The following PLCE1 variants were observed in gnomAD, a reference collection of about 807,000 sequenced individuals.
The protein encoded by PLCE1 is phospholipase C epsilon 1.
A neutral mutation model predicts 242.8 loss-of-function variants in PLCE1; 119 were observed. The observed-to-expected ratio is 0.49, with a 90% CI of 0.42 to 0.57. PLCE1 has a LOEUF of 0.57. Ranked by LOEUF, PLCE1 falls within the 20% of genes least tolerant of loss-of-function variation. The pLI, the probability that PLCE1 is intolerant of heterozygous loss-of-function variation, is 0.00. For synonymous variants in PLCE1, 945 were observed against 1,017.4 expected (o/e 0.93, Z 1.35); for missense variants, 2,441 against 2,788.8 (o/e 0.88, Z 2.81).
intron 2 of PLCE1, chr10:94,104,740 C>T (rs1188403097): frequency 6.6e-6 from 1 of 152,196 alleles, no homozygotes. Context: ...CAGTTCACCT[C>T]TTGTGCATTT....
chr10:93,994,551 G>A (rs879833961), intron 1 of PLCE1, among the ~76,000 whole-genome samples: 6 of 152,246 alleles, frequency 3.9e-5, no homozygotes, highest in Admixed American at 3.9e-4. Context: ...AAAGAAAAAC[G>A]TAAGCTCTTT....
chr10:94,286,043 G>T (rs960278479), intron 22 of PLCE1, among the ~76,000 whole-genome samples: 5 of 152,122 alleles, frequency 3.3e-5, no homozygotes, highest in African/African-American at 9.7e-5. Flanking sequence ...GGGGCACCAG[G>T]GGGTAGAAGA....
intron 4 of PLCE1, among the ~76,000 whole-genome samples, chr10:94,190,396 G>A (rs1297016939): frequency 6.6e-6 from 1 of 152,058 alleles, no homozygotes; most frequent in African/African-American, 2.4e-5. Flanking sequence ...ATTGCTTCAG[G>A]CTAGCAGTTT....
chr10:94,071,495 G>GTTTTTTTTTTTTTTTGTTGT (rs2044353719), intron 2 of PLCE1, among the ~76,000 whole-genome samples: 2 of 83,316 alleles, frequency 2.4e-5, no homozygotes, highest in Non-Finnish European at 4.2e-5. Flanking sequence ...TTTGGTTTTC[G>GTTTTTTTTTTTTTTTGTTGT]TTTTTTTTTT....
chr10:94,053,331 G>T (rs543348321), intron 2 of PLCE1, among the ~76,000 whole-genome samples: 43 of 152,312 alleles, frequency 2.8e-4, no homozygotes, highest in African/African-American at 8.9e-4. Flanking sequence ...TTTAGCTGCT[G>T]CTATTGTCAT....
intron 2 of PLCE1, among the ~76,000 whole-genome samples, chr10:94,102,570 G>A (rs918076282): frequency 6.6e-6 from 1 of 152,196 alleles, no homozygotes; most frequent in African/African-American, 2.4e-5. Context: ...CCATTGCTAG[G>A]CAACTCATGT....
rs2053207415 is a variant in PLCE1, at chr10:94,306,397, C to T, written c.5623-30C>T. ...TGTCTTTCTTTTTTATCCTCGGTGA[C>T]TTTGATCCCTTTTGTCTCCCTCACC... On this transcript the variant is annotated intron_variant, in intron 25 of 32. Transcript: ENST00000371380. The surrounding 1 kb of genome is among the most constrained non-coding windows in gnomAD (Gnocchi z 5.7). 6.2e-7 allele frequency: 1 copy of T among 1,613,948 alleles called. No individual in the cohort carries two copies. Among genetic ancestry groups the T allele is most frequent in the Admixed American group, 1.7e-5 (1 of 60,008 alleles).
At chr10:94,190,497 T>G (rs1300292465) in intron 4 of PLCE1, among the ~76,000 whole-genome samples, 1 of 152,122 alleles carries the variant, frequency 6.6e-6, no homozygotes, top group African/African-American at 2.4e-5. Context: ...TACCAGCTAC[T>G]GGGGAGGCTG....
chr10:94,231,800 A>G (rs558500330), intron 5 of PLCE1, among the ~76,000 whole-genome samples: 1 of 152,226 alleles, frequency 6.6e-6, no homozygotes, highest in Non-Finnish European at 1.5e-5. Flanking sequence ...CACAGTTCAC[A>G]GTAGGGTTTG....
chr10:94,103,599 T>C (rs557218327), intron 2 of PLCE1, among the ~76,000 whole-genome samples: 1 of 152,322 alleles, frequency 6.6e-6, no homozygotes, highest in African/African-American at 2.4e-5. Flanking sequence ...TGTGTACCTA[T>C]GTAAGAAAAC....
At chr10:94,019,628 C>A (rs1349506914) in intron 1 of PLCE1, among the ~76,000 whole-genome samples, 2 of 152,196 alleles carry the variant, frequency 1.3e-5, no homozygotes, top group Non-Finnish European at 2.9e-5. Flanking sequence ...ACATGTGACT[C>A]TTGGAACACT....
intron 4 of PLCE1, among the ~76,000 whole-genome samples, chr10:94,196,270 T>C (rs1042057998): frequency 7.9e-5 from 12 of 152,138 alleles, no homozygotes; most frequent in African/African-American, 2.9e-4. Flanking sequence ...AGGGTTACAG[T>C]GAGAGTTTTG....
At chr10:94,131,421 T>C (rs1047044002) in intron 2 of PLCE1, among the ~76,000 whole-genome samples, 3 of 152,190 alleles carry the variant, frequency 2.0e-5, no homozygotes, top group Non-Finnish European at 4.4e-5. Flanking sequence ...AGGGTCTATA[T>C]ACATGCACAT....
intron 8 of PLCE1, among the ~76,000 whole-genome samples, chr10:94,251,745 G>C (rs753494873): frequency 2.0e-5 from 3 of 152,072 alleles, no homozygotes; most frequent in Admixed American, 1.3e-4. Context: ...TGAGTCCCAT[G>C]GGCTCCCTAT....
chr10:94,093,930 A>ATTT (rs1554852849), intron 2 of PLCE1, among the ~76,000 whole-genome samples: 27 of 92,998 alleles, frequency 2.9e-4, no homozygotes, highest in African/African-American at 5.4e-4. Context: ...TTTAATCGGT[A>ATTT]TTTCTTTTTT....
At chr10:94,246,661 T>C in intron 8 of PLCE1, 40 bp downstream of exon 8, 1 of 1,569,336 alleles carries the variant, frequency 6.4e-7, no homozygotes, top group South Asian at 1.1e-5. Context: ...ACTGGCATAA[T>C]ACTCAAGAGC....
chr10:94,157,078 T>A (rs1251494487), intron 3 of PLCE1, among the ~76,000 whole-genome samples: 1 of 152,052 alleles, frequency 6.6e-6, no homozygotes, highest in Non-Finnish European at 1.5e-5. Flanking sequence ...ATACAGACAT[T>A]TTATATGAGT....
intron 22 of PLCE1, chr10:94,286,995 A>T (rs977478364): frequency 6.6e-6 from 1 of 152,196 alleles, no homozygotes; most frequent in African/African-American, 2.4e-5. Flanking sequence ...TTTTCTTCTC[A>T]AGCACTCAGT....
At chr10:94,276,050 CT>C (rs2051943193) in intron 19 of PLCE1, among the ~76,000 whole-genome samples, 1 of 152,034 alleles carries the variant, frequency 6.6e-6, no homozygotes, top group Admixed American at 6.6e-5. Flanking sequence ...CTACAAAGTT[CT>C]TTGTGAATTT....
Sources: allele counts gnomAD v4.1 joint callset (sites outside exome capture counted in the v4.1 genomes callset), GRCh38; gene constraint gnomAD v4.1.1; non-coding constraint Gnocchi (gnomAD v3.1); transcripts MANE v1.5; gene names NCBI Gene and HGNC (gene_info 2026-07-23, HGNC 2026-07-21).